The following MID1 variants were observed in gnomAD, a reference collection of about 807,000 sequenced individuals.
MID1 encodes midline 1.
Under a neutral mutation model 40.4 loss-of-function variants are expected in MID1, and 7 were observed. The observed-to-expected ratio is 0.17, with a 90% CI of 0.10 to 0.33. MID1 has a LOEUF of 0.33. Among genes scored for constraint, MID1 ranks in the 10% least tolerant of loss-of-function variants. The pLI, the probability that MID1 is intolerant of heterozygous loss-of-function variation, is 1.00. For missense variants in MID1, 367 were observed against 558.5 expected (o/e 0.66, Z 3.46); for synonymous variants, 229 against 221.2 (o/e 1.04, Z -0.31).
At chrX:10,590,038 G>C (rs1363454431) in intron 1 of MID1, 1 of 111,089 alleles carries the variant, frequency 9.0e-6, no homozygotes, top group Non-Finnish European at 1.9e-5. Flanking sequence ...GTGATCGATT[G>C]AGCAAGCAGG....
chrX:10,586,118 T>A (rs1464136616), intron 1 of MID1, among the ~76,000 whole-genome samples: 1 of 111,351 alleles, frequency 9.0e-6, no homozygotes, highest in Non-Finnish European at 1.9e-5. Context: ...TACAAACAAG[T>A]TTTTTTAGAG....
At chrX:10,520,938 A>G (rs751348200) in intron 3 of MID1, among the ~76,000 whole-genome samples, 1 of 111,251 alleles carries the variant, frequency 9.0e-6, no homozygotes, top group Admixed American at 9.6e-5. Context: ...ATACTGGGTA[A>G]TTTACAAAGA....
At chrX:10,583,319 G>A (rs1935061400) in intron 1 of MID1, among the ~76,000 whole-genome samples, 1 of 112,546 alleles carries the variant, frequency 8.9e-6, no homozygotes, top group Non-Finnish European at 1.9e-5. Flanking sequence ...GATGGGTGGT[G>A]CAAATCTATG....
chrX:10,549,315 C>A (rs1933819490), intron 2 of MID1, among the ~76,000 whole-genome samples: 1 of 112,996 alleles, frequency 8.8e-6, no homozygotes, highest in Non-Finnish European at 1.9e-5. Flanking sequence ...AACAGGAAAA[C>A]TGCATCTAGT....
chrX:10,687,297 C>T (rs759977012), intron 1 of MID1, among the ~76,000 whole-genome samples: 9 of 111,851 alleles, frequency 8.0e-5, no homozygotes, highest in Non-Finnish European at 1.3e-4. Flanking sequence ...TCTTAAATTT[C>T]TCCCTTTTTC....
intron 5 of MID1, 21 bp downstream of exon 5, chrX:10,482,459 C>A (rs1356676299): frequency 1.7e-6 from 2 of 1,208,097 alleles, no homozygotes; most frequent in Non-Finnish European, 2.2e-6. Context: ...CCGAGAAATT[C>A]CCAGGGGCCC....
At chrX:10,721,008 T>C (rs12010707) in intron 1 of MID1, among the ~76,000 whole-genome samples, 11,242 of 91,026 alleles carry the variant, frequency 0.12, 1,273 homozygotes, top group African/African-American at 0.35. Flanking sequence ...TGAGAACACA[T>C]GGACACAGGA....
chrX:10,613,768 GACAGACAGAC>G (rs1569128333), intron 1 of MID1, among the ~76,000 whole-genome samples: 1 of 76,512 alleles, frequency 1.3e-5, no homozygotes, highest in African/African-American at 6.7e-5. Flanking sequence ...GAGAGAGAGA[GACAGACAGAC>G]AGACAGACAG....
chrX:10,729,582 A>T (rs2043425731), intron 1 of MID1, among the ~76,000 whole-genome samples: 1 of 112,218 alleles, frequency 8.9e-6, no homozygotes, highest in Non-Finnish European at 1.9e-5. Flanking sequence ...TCCATCTTGG[A>T]AAAAGGCTTC....
chrX:10,811,799 C>G (rs1602592527), intron 1 of MID1, among the ~76,000 whole-genome samples: 1 of 111,609 alleles, frequency 9.0e-6, no homozygotes, highest in African/African-American at 3.3e-5. Context: ...AAATTTCCAA[C>G]AAGGTGTAGT....
At chrX:10,727,761 G>A (rs1232363055) in intron 1 of MID1, among the ~76,000 whole-genome samples, 4 of 111,663 alleles carry the variant, frequency 3.6e-5, no homozygotes, top group Non-Finnish European at 1.9e-5. Flanking sequence ...GCTCTTGAAT[G>A]CTCAATTTGA....
At chrX:10,636,785 G>GATAT (rs60188235) in intron 1 of MID1, among the ~76,000 whole-genome samples, 940 of 42,666 alleles carry the variant, frequency 0.022, 61 homozygotes, top group African/African-American at 0.058. Flanking sequence ...CAACAATGGG[G>GATAT]ATATATATAT....
chrX:10,570,371 A>G (rs1205244716), intron 1 of MID1, among the ~76,000 whole-genome samples: 1 of 111,748 alleles, frequency 8.9e-6, no homozygotes, highest in Non-Finnish European at 1.9e-5. Context: ...ATCTCGGTTT[A>G]TTTTTCTTTA....
chrX:10,450,326 T>C (rs1008400661), intron 9 of MID1, among the ~76,000 whole-genome samples: 5 of 112,705 alleles, frequency 4.4e-5, no homozygotes, highest in African/African-American at 1.6e-4. Flanking sequence ...TGATTCTGAA[T>C]GCACTTTGCC....
intron 1 of MID1, among the ~76,000 whole-genome samples, chrX:10,587,619 C>T (rs751891943): frequency 3.0e-3 from 339 of 112,794 alleles, no homozygotes; most frequent in Non-Finnish European, 4.9e-3. Context: ...TGTGCACAAG[C>T]ATAACAATTG....
At chrX:10,538,288 G>T (rs1231064594) in intron 2 of MID1, among the ~76,000 whole-genome samples, 3 of 111,525 alleles carry the variant, frequency 2.7e-5, no homozygotes, top group African/African-American at 9.8e-5. Context: ...CTTTACAAAA[G>T]ATATTACTAT....
chrX:10,458,757 A>G (rs1221395234), intron 8 of MID1, among the ~76,000 whole-genome samples: 1 of 111,699 alleles, frequency 9.0e-6, no homozygotes, highest in Non-Finnish European at 1.9e-5. Flanking sequence ...TCTAGGATAC[A>G]ACACTTGTAC....
intron 1 of MID1, among the ~76,000 whole-genome samples, chrX:10,637,114 T>G (rs1477125540): frequency 9.2e-6 from 1 of 108,660 alleles, no homozygotes; most frequent in Non-Finnish European, 1.9e-5. Flanking sequence ...GTATCAAATA[T>G]CATGTCCAAA....
intron 2 of MID1, among the ~76,000 whole-genome samples, chrX:10,547,663 AAAAAGAAAAGAAAAAAG>A (rs1337330295): frequency 9.1e-6 from 1 of 110,051 alleles, no homozygotes; most frequent in Non-Finnish European, 1.9e-5. Flanking sequence ...AAGAAAAGAA[AAAAAGAAAAGAAAAAAG>A]AAAAGAAAAG....
Sources: gnomAD v4.1 joint callset for allele counts (sites outside exome capture counted in the v4.1 genomes callset) on GRCh38, gnomAD v4.1.1 for gene constraint, MANE v1.5 for transcripts, NCBI Gene and HGNC (gene_info 2026-07-23, HGNC 2026-07-21) for gene names.